IFNGR2: variants seen among roughly 807,000 people sequenced by gnomAD.
The protein encoded by IFNGR2 is interferon gamma receptor 2.
IFNGR2 carries 15 observed loss-of-function variants against 41.1 expected under a neutral mutation model. The ratio of observed to expected loss-of-function variants is 0.37; its 90% CI spans 0.24 to 0.56. IFNGR2 has a LOEUF of 0.56. IFNGR2 is among the 20% of genes least tolerant of loss of function. The pLI, the probability that IFNGR2 is intolerant of heterozygous loss-of-function variation, is 0.81. For missense variants in IFNGR2, 362 were observed against 415.7 expected (o/e 0.87, Z 1.12); for synonymous variants, 161 against 171.6 (o/e 0.94, Z 0.48).
chr21:33,412,370 A>G (rs2083723528), intron 1 of IFNGR2, among the ~76,000 whole-genome samples: 1 of 152,162 alleles, frequency 6.6e-6, no homozygotes, highest in Non-Finnish European at 1.5e-5. Flanking sequence ...TTGTGCTTAC[A>G]TAGGTTTGGG....
chr21:33,403,384 C>G (rs1393917673), upstream of IFNGR2: 3 of 237,784 alleles, frequency 1.3e-5, no homozygotes, highest in Non-Finnish European at 2.2e-5. Flanking sequence ...GGCGGCCGAG[C>G]CGAATCCCCT....
chr21:33,406,281 C>T (rs1365465313), intron 1 of IFNGR2, among the ~76,000 whole-genome samples: 4 of 151,754 alleles, frequency 2.6e-5, no homozygotes, highest in African/African-American at 7.3e-5. Context: ...GAGGCTGAGG[C>T]AGGAGAATCA....
chr21:33,408,799 A>G (rs144251244), intron 1 of IFNGR2, among the ~76,000 whole-genome samples: 1,676 of 152,362 alleles, frequency 0.011, 33 homozygotes, highest in African/African-American at 0.038. Context: ...GTTATAGGAC[A>G]CTACTTGCCA....
chr21:33,422,877 CAAAAAAAAAA>C lies in IFNGR2; in HGVS notation c.412+1208_412+1217del, dbSNP rs71194843. 1.1e-4 allele frequency among the ~76,000 whole-genome samples: 4 copies of C among 34,954 alleles called. No homozygotes were observed. In the South Asian group the frequency reaches 7.9e-3, roughly 69 times the overall value. 22.9% of individuals were successfully genotyped at this position (34,954 alleles called of 152,430 possible). A position where few individuals can be genotyped will look rare whatever the true frequency, so the allele number is the denominator to read the frequency against. ...GGGCAACAAGAGTGAAACTCCATCT[CAAAAAAAAAA>C]AAAAAAAAAAAAAAAGCAAAATAAT... On this transcript the variant is annotated intron_variant, in intron 3 of 6. Coordinates refer to ENST00000290219, the MANE Select transcript of IFNGR2 (RefSeq NM_005534.4).
chr21:33,420,855 TGGGCAACAAGG>T, intron 2 of IFNGR2, among the ~76,000 whole-genome samples: 1 of 151,750 alleles, frequency 6.6e-6, no homozygotes, highest in Non-Finnish European at 1.5e-5. Flanking sequence ...AAGACCAGCC[TGGGCAACAAGG>T]AGAGACCCCC....
chr21:33,405,402 G>A lies in IFNGR2; in HGVS notation c.73+1786G>A, dbSNP rs2083670777. Among the ~76,000 whole-genome samples, 4 of 152,206 alleles carry A rather than the reference G, an allele frequency of 2.6e-5. No homozygotes were observed. In the South Asian group the frequency reaches 8.3e-4, roughly 31 times the overall value. Reference sequence around the variant, plus strand: ...ACTGCTTTTCCATGGGAGTCAGACAGATGGGTTCAAATCCTGACTCTGCTT... The same window carrying A: ...ACTGCTTTTCCATGGGAGTCAGACAAATGGGTTCAAATCCTGACTCTGCTT... On this transcript the variant is annotated intron_variant, in intron 1 of 6. Transcript: ENST00000290219.
At chr21:33,435,071 G>A (rs375722877) in intron 6 of IFNGR2, among the ~76,000 whole-genome samples, 3 of 152,202 alleles carry the variant, frequency 2.0e-5, no homozygotes, top group Non-Finnish European at 4.4e-5. Context: ...CAGTCAGTCA[G>A]CTACAAGCTT....
chr21:33,403,951 A>G lies in IFNGR2; in HGVS notation c.73+335A>G, dbSNP rs888945932. ...CCCTCCTGGCGTCCTGGCCGCCGGG[A>G]CACCCCTCTCCGGGAGAGGACACTC... On this transcript the variant is annotated intron_variant, in intron 1 of 6. Coordinates refer to ENST00000290219, the MANE Select transcript of IFNGR2 (RefSeq NM_005534.4). Among the ~76,000 whole-genome samples the G allele has an allele frequency of 5.3e-5, 8 of 152,034 alleles. No individual in the cohort carries two copies. In the East Asian group the frequency reaches 1.2e-3, roughly 22 times the overall value.
At chr21:33,417,033 C>T (rs967641849) in intron 2 of IFNGR2, among the ~76,000 whole-genome samples, 1 of 150,468 alleles carries the variant, frequency 6.6e-6, no homozygotes, top group Non-Finnish European at 1.5e-5. Flanking sequence ...AATTCTTATA[C>T]CTCAGCCTTC....
intron 2 of IFNGR2, among the ~76,000 whole-genome samples, chr21:33,416,771 G>A (rs2083756322): frequency 1.3e-5 from 2 of 149,116 alleles, no homozygotes; most frequent in South Asian, 2.1e-4. Flanking sequence ...GCAGTGAACC[G>A]AGATCGTGCC....
chr21:33,419,856 G>C (rs1264203735), intron 2 of IFNGR2, among the ~76,000 whole-genome samples: 1 of 152,186 alleles, frequency 6.6e-6, no homozygotes, highest in Non-Finnish European at 1.5e-5. Flanking sequence ...GCAGGGGTTT[G>C]GGGGAGCAGG....
In IFNGR2 at chr21:33,410,471, A is replaced by AAT. The variant is rs1478177460; in HGVS notation, c.74-4416_74-4415dup. On this transcript the variant is annotated intron_variant, in intron 1 of 6. Transcript: ENST00000290219. ...TGAGCCACTGCGGCCAGCCTACAAC[A>AAT]ATTTTTTTTTTTTTGAGACAGAGTC... is the stretch of plus-strand genomic sequence containing the variant. Among the ~76,000 whole-genome samples, 18 of 135,674 alleles carry AAT rather than the reference A, an allele frequency of 1.3e-4. No individual in the cohort carries two copies. In the East Asian group the frequency reaches 3.7e-3, roughly 28 times the overall value. The allele number at this position is 135,674 out of a possible 152,430, so 89.0% of individuals were successfully genotyped here.
At chr21:33,407,850 C>CG (rs1359968195) in intron 1 of IFNGR2, among the ~76,000 whole-genome samples, 1 of 143,462 alleles carries the variant, frequency 7.0e-6, no homozygotes, top group East Asian at 2.1e-4. Flanking sequence ...CACCGCACCC[C>CG]CCCCCGCCAA....
intron 1 of IFNGR2, among the ~76,000 whole-genome samples, chr21:33,414,563 G>A (rs2123338667): frequency 6.6e-6 from 1 of 152,278 alleles, no homozygotes; most frequent in South Asian, 2.1e-4. Context: ...CGAGCCTAAT[G>A]CAGTTACTAA....
intron 1 of IFNGR2, among the ~76,000 whole-genome samples, chr21:33,414,107 A>G (rs896690251): frequency 2.0e-5 from 3 of 152,114 alleles, no homozygotes; most frequent in African/African-American, 7.2e-5. Flanking sequence ...TGCTGGGATT[A>G]TAGGTGTGAG....
At chr21:33,433,820 A>G (rs2123373913) in intron 6 of IFNGR2, among the ~76,000 whole-genome samples, 1 of 151,678 alleles carries the variant, frequency 6.6e-6, no homozygotes, top group South Asian at 2.1e-4. Flanking sequence ...GGGGTTGGCT[A>G]AAAAGGTGGC....
chr21:33,427,143 T>C (rs991036706), intron 4 of IFNGR2, 111 bp downstream of exon 4: 18 of 937,138 alleles, frequency 1.9e-5, no homozygotes, highest in Non-Finnish European at 3.1e-5. Context: ...CATGTCCCCG[T>C]GTCCCCATAG....
At chr21:33,409,498 A>G (rs904503747) in intron 1 of IFNGR2, among the ~76,000 whole-genome samples, 4 of 152,112 alleles carry the variant, frequency 2.6e-5, no homozygotes. Flanking sequence ...AGAAAAAGCA[A>G]TATGCAAAAT....
At chr21:33,405,002 C>T (rs2083667215) in intron 1 of IFNGR2, among the ~76,000 whole-genome samples, 1 of 151,662 alleles carries the variant, frequency 6.6e-6, no homozygotes, top group Middle Eastern at 3.4e-3. Flanking sequence ...GCCTGTAATC[C>T]CAACTACTCA....
Sources: gnomAD v4.1 joint callset for allele counts (sites outside exome capture counted in the v4.1 genomes callset) on GRCh38, gnomAD v4.1.1 for gene constraint, MANE v1.5 for transcripts, NCBI Gene and HGNC (gene_info 2026-07-23, HGNC 2026-07-21) for gene names.